Variants in TMEM117 observed in about 807,000 individuals in gnomAD.
TMEM117 encodes the protein transmembrane protein 117.
A neutral mutation model predicts 52.4 loss-of-function variants in TMEM117; 27 were observed. The observed-to-expected ratio is 0.51, with a 90% confidence interval of 0.38 to 0.71. TMEM117 has a LOEUF of 0.71. Among genes scored for constraint, TMEM117 ranks in the 30% least tolerant of loss-of-function variants. The probability of loss-of-function intolerance (pLI) is 0.00; values close to 1 mark genes in which losing one functional copy is unlikely to be tolerated. For synonymous variants in TMEM117, 215 were observed against 206.3 expected (o/e 1.04, Z -0.36); for missense variants, 556 against 630.5 (o/e 0.88, Z 1.26).
chr12:44,353,500 C>T (rs1951597708), intron 6 of TMEM117, among the ~76,000 whole-genome samples: 1 of 151,356 alleles, frequency 6.6e-6, no homozygotes, highest in East Asian at 1.9e-4. Context: ...GATCCAGTTT[C>T]AGCTTTCTAC....
intron 5 of TMEM117, among the ~76,000 whole-genome samples, chr12:44,289,896 A>T (rs1950684241): frequency 6.6e-6 from 1 of 151,996 alleles, no homozygotes; most frequent in Admixed American, 6.6e-5. Context: ...TGTCTTTTTG[A>T]TAATAACCAT....
intron 3 of TMEM117, among the ~76,000 whole-genome samples, chr12:44,005,350 C>T (rs1343554944): frequency 2.0e-5 from 3 of 152,156 alleles, no homozygotes; most frequent in Admixed American, 1.3e-4. Context: ...AAGCCTTGGC[C>T]AACATTATAA....
chr12:44,023,933 T>G (rs938939350), intron 3 of TMEM117, among the ~76,000 whole-genome samples: 3 of 151,838 alleles, frequency 2.0e-5, no homozygotes, highest in Non-Finnish European at 2.9e-5. Context: ...CTGCACATTG[T>G]GCACATGTTC....
In TMEM117 at chr12:44,228,752, T is replaced by C. The variant is rs537095415; in HGVS notation, c.608+17365T>C. Among the ~76,000 whole-genome samples, 9 of 151,880 alleles carry C rather than the reference T, an allele frequency of 5.9e-5. No homozygotes were observed. In the East Asian group the frequency reaches 1.8e-3, roughly 30 times the overall value. On this transcript the variant is annotated intron_variant, in intron 5 of 7. Transcript: ENST00000266534. ...GGATATGCTTGGCATGTTCCAAGAA[T>C]AGAAAAAAAGGCCAGCATATCCTAT...
At chr12:44,069,121 G>T (rs1010185785) in intron 3 of TMEM117, among the ~76,000 whole-genome samples, 6 of 152,030 alleles carry the variant, frequency 3.9e-5, no homozygotes, top group Admixed American at 3.9e-4. Context: ...TGCTTGTTTT[G>T]CAAGGTACTT....
At chr12:44,144,059 TA>T (rs143040419) in intron 4 of TMEM117, among the ~76,000 whole-genome samples, 5,893 of 152,304 alleles carry the variant, frequency 0.039, 116 homozygotes, top group African/African-American at 0.048. Context: ...CCATATGAAA[TA>T]TTTTTTTTAG....
At chr12:44,107,030 A>G (rs1947967496) in intron 3 of TMEM117, among the ~76,000 whole-genome samples, 1 of 152,102 alleles carries the variant, frequency 6.6e-6, no homozygotes, top group African/African-American at 2.4e-5. Flanking sequence ...CTGTCCGTCA[A>G]TAAAGTTGAT....
At position 43,989,157 on chromosome 12, in the gene TMEM117, T is replaced by C. The variant is rs76556637; in HGVS notation, c.410+44815T>C. Among the ~76,000 whole-genome samples, 656 of 152,244 alleles carry C rather than the reference T, an allele frequency of 4.3e-3. 9 individuals carry two copies. The highest frequency in any genetic ancestry group is 0.014 in the African/African-American group (600 of 41,564). ...ATAAGATAGCACATGTCATGTTCAA[T>C]TTTTTATTGGTCCTGATGAAATATT... On this transcript the variant is annotated intron_variant, in intron 3 of 7. Transcript: ENST00000266534.
chr12:43,875,200 G>A (rs1943773023), intron 2 of TMEM117, among the ~76,000 whole-genome samples: 3 of 148,730 alleles, frequency 2.0e-5, no homozygotes, highest in African/African-American at 7.4e-5. Context: ...AGGACAGGGG[G>A]TTGAAAAGAA....
At chr12:44,377,956 G>A (rs1449172242) in intron 7 of TMEM117, among the ~76,000 whole-genome samples, 3 of 152,156 alleles carry the variant, frequency 2.0e-5, no homozygotes, top group African/African-American at 7.2e-5. Flanking sequence ...AAATGAATGA[G>A]GCCCATCTAT....
At chr12:43,939,440 G>C (rs1437644332) in intron 2 of TMEM117, among the ~76,000 whole-genome samples, 2 of 152,094 alleles carry the variant, frequency 1.3e-5, no homozygotes, top group Non-Finnish European at 2.9e-5. Context: ...ATCTTACTCT[G>C]AGTTTTTGCT....
chr12:44,155,149 GT>G, intron 4 of TMEM117, among the ~76,000 whole-genome samples: 1 of 152,108 alleles, frequency 6.6e-6, no homozygotes, highest in Non-Finnish European at 1.5e-5. Flanking sequence ...TGTATACATA[GT>G]TTTTAAATAT....
At chr12:43,908,924 A>G (rs1944441148) in intron 2 of TMEM117, among the ~76,000 whole-genome samples, 1 of 143,528 alleles carries the variant, frequency 7.0e-6, no homozygotes, top group African/African-American at 2.5e-5. Context: ...CACTGTCAAC[A>G]TTAGACAGAT....
the TMEM117 span, among the ~76,000 whole-genome samples, chr12:43,815,497 T>G: frequency 6.6e-6 from 1 of 152,134 alleles, no homozygotes; most frequent in Non-Finnish European, 1.5e-5. Flanking sequence ...GGAGAGGTGT[T>G]ATAAGGATAC....
intron 4 of TMEM117, among the ~76,000 whole-genome samples, chr12:44,162,026 A>G (rs190866213): frequency 1.2e-4 from 19 of 152,288 alleles, no homozygotes; most frequent in Admixed American, 1.2e-3. Context: ...TCATTTGGGA[A>G]TCATCAGAAT....
chr12:44,357,294 T>G (rs1951663082), intron 6 of TMEM117, among the ~76,000 whole-genome samples: 1 of 152,074 alleles, frequency 6.6e-6, no homozygotes, highest in African/African-American at 2.4e-5. Context: ...TATGATCATT[T>G]CTCTATCTTG....
the TMEM117 span, among the ~76,000 whole-genome samples, chr12:43,829,594 T>G: frequency 1.3e-5 from 2 of 152,124 alleles, no homozygotes; most frequent in East Asian, 1.9e-4. Flanking sequence ...GAAAAAAAGT[T>G]TTGAAGAAAG....
intron 3 of TMEM117, among the ~76,000 whole-genome samples, chr12:44,059,327 C>A (rs1841217651): frequency 2.6e-5 from 4 of 152,078 alleles, no homozygotes; most frequent in Admixed American, 2.0e-4. Flanking sequence ...ATTAAAATCC[C>A]TTTAAGATTA....
the TMEM117 span, among the ~76,000 whole-genome samples, chr12:43,824,044 ATAAT>A: frequency 6.6e-6 from 1 of 152,242 alleles, no homozygotes; most frequent in Non-Finnish European, 1.5e-5. Flanking sequence ...ATTTTAAAAA[ATAAT>A]TAATTAGCTA....
Sources: allele counts gnomAD v4.1 joint callset (sites outside exome capture counted in the v4.1 genomes callset), GRCh38; gene constraint gnomAD v4.1.1; transcripts MANE v1.5; gene names NCBI Gene and HGNC (gene_info 2026-07-23, HGNC 2026-07-21).